GNAS-AS1: variants seen among roughly 807,000 people sequenced by gnomAD.
GNAS-AS1 encodes the protein GNAS antisense RNA 1 (non-protein coding).
chr20:58,825,953 C>G (rs781724190), intron 4 of GNAS-AS1: 6 of 397,362 alleles, frequency 1.5e-5, no homozygotes, highest in Non-Finnish European at 2.2e-5. Context: ...TTGTGTCTCT[C>G]AATCAGCAGC....
intron 4 of GNAS-AS1, among the ~76,000 whole-genome samples, chr20:58,825,023 C>T (rs553619208): frequency 6.6e-6 from 1 of 152,338 alleles, no homozygotes; most frequent in African/African-American, 2.4e-5. Flanking sequence ...TGGGACACAG[C>T]TCTACCGACT....
intron 1 of GNAS-AS1, chr20:58,850,424 G>A (rs1193824869): frequency 1.8e-5 from 7 of 397,438 alleles, no homozygotes; most frequent in East Asian, 1.4e-4. Context: ...CCCGTTCCTC[G>A]ACAAATGGTA....
chr20:58,834,279 G>A (rs2085587424), intron 4 of GNAS-AS1: 1 of 152,420 alleles, frequency 6.6e-6, no homozygotes, highest in Admixed American at 6.5e-5. Context: ...CGGTTGAGTG[G>A]TCCTTTGCAA....
chr20:58,842,337 C>A, intron 3 of GNAS-AS1: 1 of 397,656 alleles, frequency 2.5e-6, no homozygotes, highest in Non-Finnish European at 4.4e-6. Context: ...CGGATGACAA[C>A]GATTTGGAGG....
chr20:58,838,079 T>C (rs534088005), intron 4 of GNAS-AS1, among the ~76,000 whole-genome samples: 58 of 152,288 alleles, frequency 3.8e-4, no homozygotes, highest in African/African-American at 1.3e-3. Flanking sequence ...CCACAACCCA[T>C]GACATGTGTC....
chr20:58,822,289 A>C (rs1437026904), intron 4 of GNAS-AS1, among the ~76,000 whole-genome samples: 1 of 152,204 alleles, frequency 6.6e-6, no homozygotes, highest in Admixed American at 6.5e-5. Flanking sequence ...ACTTTACTGC[A>C]GGGAGAACAA....
chr20:58,822,753 T>G (rs2085494736), intron 4 of GNAS-AS1, among the ~76,000 whole-genome samples: 1 of 151,880 alleles, frequency 6.6e-6, no homozygotes, highest in South Asian at 2.1e-4. Flanking sequence ...TTCCCTGAAG[T>G]CAGGAAACTG....
At position 58,840,394 on chromosome 20, in the gene GNAS-AS1, C is replaced by T; in HGVS notation, n.819+1543G>A. On this transcript the variant is annotated intron_variant and non_coding_transcript_variant, in intron 4 of 4. Coordinates refer to ENST00000424094, the Ensembl canonical transcript of GNAS-AS1. This position sits in a 1 kb window ranked among gnomAD's most constrained non-coding sequence, Gnocchi z 6.0. ...ACGAGGAGGCAGACCTTGAGCTGTC[C>T]CTCCCCGAGTGCCTAGAGTACGAGG... 6.2e-6 allele frequency: 10 copies of T among 1,613,522 alleles called. No homozygotes were observed. Among genetic ancestry groups the T allele is most frequent in the Non-Finnish European group, 8.5e-6 (10 of 1,179,986 alleles).
At chr20:58,837,278 G>A (rs1215951582) in intron 4 of GNAS-AS1, among the ~76,000 whole-genome samples, 1 of 151,840 alleles carries the variant, frequency 6.6e-6, no homozygotes, top group East Asian at 1.9e-4. Context: ...GTCAGTGTAG[G>A]CAGACTCTCT....
At chr20:58,829,775 CA>C (rs2085542105) in intron 4 of GNAS-AS1, among the ~76,000 whole-genome samples, 1 of 152,126 alleles carries the variant, frequency 6.6e-6, no homozygotes, top group Non-Finnish European at 1.5e-5. Context: ...GCTGTATACT[CA>C]GGGGGAAAAA....
intron 4 of GNAS-AS1, among the ~76,000 whole-genome samples, chr20:58,823,472 T>C (rs554034457): frequency 6.6e-6 from 1 of 152,334 alleles, no homozygotes; most frequent in Non-Finnish European, 1.5e-5. Context: ...TCTGTATGCC[T>C]GTGACGGGCG....
rs2085746021 is a variant in GNAS-AS1 at position 58,841,908 on chromosome 20, G to A, written n.819+29C>T. On this transcript the variant is annotated intron_variant and non_coding_transcript_variant, in intron 4 of 4. Coordinates refer to ENST00000424094, the Ensembl canonical transcript of GNAS-AS1. This position sits in a 1 kb window ranked among gnomAD's most constrained non-coding sequence, Gnocchi z 5.0. ...GGAACAAGGGACAGGCTGGAGACGG[G>A]GGTCGCGTCTAACATCAGGATAACT... 2 of 1,227,106 alleles carry A rather than the reference G, an allele frequency of 1.6e-6. No individual in the cohort carries two copies. Among genetic ancestry groups the A allele is most frequent in the Admixed American group, 4.2e-5 (1 of 23,702 alleles). 76.0% of individuals were successfully genotyped at this position (1,227,106 alleles called of 1,614,324 possible).
intron 4 of GNAS-AS1, among the ~76,000 whole-genome samples, chr20:58,830,477 AT>A: frequency 1.9e-5 from 2 of 107,564 alleles, no homozygotes; most frequent in East Asian, 3.1e-4. Flanking sequence ...CACCACCATC[AT>A]CACCATCACC....
intron 2 of GNAS-AS1, among the ~76,000 whole-genome samples, chr20:58,845,887 C>CG (rs1172714629): frequency 6.6e-6 from 1 of 152,178 alleles, no homozygotes; most frequent in Non-Finnish European, 1.5e-5. Flanking sequence ...CAACTATTCC[C>CG]GGGTAGAAAT....
intron 4 of GNAS-AS1, among the ~76,000 whole-genome samples, chr20:58,823,200 CT>C (rs1394729727): frequency 6.6e-6 from 1 of 152,206 alleles, no homozygotes; most frequent in Admixed American, 6.5e-5. Flanking sequence ...TTAAAAATAT[CT>C]GTCCAGCCTT....
In GNAS-AS1 at chr20:58,840,280, C is replaced by T. The variant is rs1329283684; in HGVS notation, n.819+1657G>A. On this transcript the variant is annotated intron_variant and non_coding_transcript_variant, in intron 4 of 4. Coordinates refer to ENST00000424094, the Ensembl canonical transcript of GNAS-AS1. The surrounding 1 kb of genome is among the most constrained non-coding windows in gnomAD (Gnocchi z 6.0). ...CCCGTGCCCAGCAGCGCGCGGCTGC[C>T]CAACAGCGCCGGAGCTTCCTTAACG... 2 of 1,612,100 alleles carry T rather than the reference C, an allele frequency of 1.2e-6. No homozygotes were observed. Among genetic ancestry groups the T allele is most frequent in the Admixed American group, 1.7e-5 (1 of 60,006 alleles).
chr20:58,826,308 G>A lies in GNAS-AS1; in HGVS notation n.820-7053C>T, dbSNP rs551998295. On this transcript the variant is annotated intron_variant and non_coding_transcript_variant, in intron 4 of 4. Coordinates refer to ENST00000424094, the Ensembl canonical transcript of GNAS-AS1. The stretch of plus-strand genomic sequence containing the variant: ...CTGCTGTCATGACGGGAGGGCTGGG[G>A]GCCCAAACAGCCTGCTCTGCTGCCC... 2.0e-4 allele frequency among the ~76,000 whole-genome samples: 30 copies of A among 152,278 alleles called. 1 individual carries two copies. In the South Asian group the frequency reaches 4.8e-3, roughly 24 times the overall value.
chr20:58,850,697 G>A (rs984594103), exon 1 of GNAS-AS1: 14 of 398,812 alleles, frequency 3.5e-5, no homozygotes, highest in Non-Finnish European at 1.3e-5. Flanking sequence ...GGCTGGGTTA[G>A]CCTGCCGCCA....
intron 4 of GNAS-AS1, among the ~76,000 whole-genome samples, chr20:58,833,351 C>T (rs556996616): frequency 5.9e-5 from 9 of 152,144 alleles, no homozygotes; most frequent in African/African-American, 1.4e-4. Context: ...GACTTTTAGC[C>T]GAAACAATGG....
Sources: allele counts gnomAD v4.1 joint callset (sites outside exome capture counted in the v4.1 genomes callset), GRCh38; gene constraint gnomAD v4.1.1; non-coding constraint Gnocchi (gnomAD v3.1); transcripts MANE v1.5; gene names NCBI Gene and HGNC (gene_info 2026-07-23, HGNC 2026-07-21).